C20orf203: variants seen among roughly 807,000 people sequenced by gnomAD.
The protein encoded by C20orf203 is uncharacterized protein C20orf203.
C20orf203 carries 16 observed loss-of-function variants against 15.9 expected under a neutral mutation model. The observed-to-expected ratio is 1.01, with a 90% CI of 0.68 to 1.53. The LOEUF is 1.53. Among genes scored for constraint, C20orf203 ranks in the 40% most tolerant of loss-of-function variants. The probability of loss-of-function intolerance (pLI) is 0.00; values close to 1 mark genes in which losing one functional copy is unlikely to be tolerated. For missense variants in C20orf203, 263 were observed against 247.5 expected, an observed-to-expected ratio of 1.06 and a Z score of -0.42; for synonymous variants, 98 against 97.2, an observed-to-expected ratio of 1.01 and a Z score of -0.05.
Position 32,654,107 on chromosome 20 carries a change from A to T in C20orf203, c.-263-2126T>A, listed in dbSNP as rs1741056886. 2.0e-5 allele frequency among the ~76,000 whole-genome samples: 3 copies of T among 152,060 alleles called. 1 individual carries two copies. Among genetic ancestry groups the T allele is most frequent in the Non-Finnish European group, 4.4e-5 (3 of 68,004 alleles). On this transcript the variant is annotated intron_variant, in intron 1 of 5. Coordinates refer to ENST00000608990, the MANE Select transcript of C20orf203 (RefSeq NM_182584.4). Reference sequence around the variant, plus strand: ...AAAAAAAAAAAAGAGAAAATCCTAAAGAATCCACTAAAAAAAAGTTATAAC... The same window carrying T: ...AAAAAAAAAAAAGAGAAAATCCTAATGAATCCACTAAAAAAAAGTTATAAC...
In C20orf203 at chr20:32,633,780, C is replaced by G; in HGVS notation, c.*1790G>C. 2.7e-6 allele frequency: 1 copy of G among 364,284 alleles called. No individual in the cohort carries two copies. The highest frequency in any genetic ancestry group is 4.9e-6 in the Non-Finnish European group (1 of 204,818). 22.6% of individuals were successfully genotyped at this position (364,284 alleles called of 1,614,324 possible). On this transcript the variant is annotated 3_prime_UTR_variant, in exon 6 of 6. Transcript: ENST00000608990. ...TGACTCCTCCGGCCAGTCGCCCTGA[C>G]AGCCCCCTCACCGCGTTGCACTACC...
At chr20:32,653,628 G>A (rs1189004802) in intron 1 of C20orf203, among the ~76,000 whole-genome samples, 1 of 152,136 alleles carries the variant, frequency 6.6e-6, no homozygotes, top group African/African-American at 2.4e-5. Context: ...GAGAGATTGG[G>A]TGCTTTCCCC....
At chr20:32,653,845 C>T (rs1982696528) in intron 1 of C20orf203, among the ~76,000 whole-genome samples, 1 of 152,124 alleles carries the variant, frequency 6.6e-6, no homozygotes, top group African/African-American at 2.4e-5. Context: ...GTAATCTCAG[C>T]ACTTTGGGAG....
At chr20:32,658,195 G>A (rs1382547877) in intron 1 of C20orf203, among the ~76,000 whole-genome samples, 1 of 152,046 alleles carries the variant, frequency 6.6e-6, no homozygotes, top group Non-Finnish European at 1.5e-5. Context: ...AAATTAGCTG[G>A]CACCTGGCAT....
intron 1 of C20orf203, among the ~76,000 whole-genome samples, chr20:32,664,524 C>T (rs1982972596): frequency 6.6e-6 from 1 of 152,224 alleles, no homozygotes; most frequent in Non-Finnish European, 1.5e-5. Context: ...GCAATCAGGT[C>T]ACCCGTTGGC....
chr20:32,652,634 T>C (rs1982663931), intron 1 of C20orf203, among the ~76,000 whole-genome samples: 1 of 151,906 alleles, frequency 6.6e-6, no homozygotes, highest in Admixed American at 6.6e-5. Flanking sequence ...CCGGATGCTG[T>C]GGTTTTTGGA....
intron 1 of C20orf203, among the ~76,000 whole-genome samples, chr20:32,672,868 C>A (rs1010685725): frequency 2.0e-5 from 3 of 152,180 alleles, no homozygotes; most frequent in African/African-American, 7.2e-5. Flanking sequence ...CAGCAGAGAC[C>A]TTTTCCTACT....
intron 4 of C20orf203, among the ~76,000 whole-genome samples, chr20:32,646,687 C>A (rs1982442929): frequency 6.6e-6 from 1 of 152,192 alleles, no homozygotes; most frequent in Non-Finnish European, 1.5e-5. Context: ...AGGGTGGGAG[C>A]CCTAACTTGT....
intron 1 of C20orf203, among the ~76,000 whole-genome samples, chr20:32,661,627 T>C (rs1285384477): frequency 6.6e-6 from 1 of 152,146 alleles, no homozygotes; most frequent in Non-Finnish European, 1.5e-5. Context: ...GGAATTTGTC[T>C]GGGAGAGCAG....
intron 1 of C20orf203, among the ~76,000 whole-genome samples, chr20:32,666,155 T>TAAAAAAAAAAAAAAAAAAAAAAGG (rs1983017880): frequency 9.7e-6 from 1 of 102,776 alleles, no homozygotes; most frequent in African/African-American, 3.7e-5. Context: ...ATAAATAAAG[T>TAAAAAAAAAAAAAAAAAAAAAAGG]AAAAAAAAAA....
chr20:32,666,823 A>ATATATATATATATATATG (rs1568756061), intron 1 of C20orf203, among the ~76,000 whole-genome samples: 5 of 106,816 alleles, frequency 4.7e-5, no homozygotes, highest in Admixed American at 1.8e-4. Flanking sequence ...ATATATATAT[A>ATATATATATATATATATG]TAGTTTTGTT....
chr20:32,644,133 G>A (rs1200257209), intron 4 of C20orf203, among the ~76,000 whole-genome samples: 6 of 152,174 alleles, frequency 3.9e-5, no homozygotes, highest in East Asian at 1.9e-4. Flanking sequence ...AGAAGGTGGC[G>A]TCTGCGAGGA....
intron 5 of C20orf203, among the ~76,000 whole-genome samples, chr20:32,639,782 C>A (rs78868189): frequency 0.025 from 3,871 of 152,168 alleles, 160 homozygotes; most frequent in African/African-American, 0.087. Context: ...CACTGCCCCC[C>A]TACTTTGAAA....
chr20:32,651,461 C>A (rs1982627026), intron 2 of C20orf203, among the ~76,000 whole-genome samples: 1 of 152,226 alleles, frequency 6.6e-6, no homozygotes, highest in Non-Finnish European at 1.5e-5. Context: ...TGCCCCAAGT[C>A]ACTTCAAAGC....
At chr20:32,651,209 G>A (rs1685608683) in intron 2 of C20orf203, 43 bp from the exon 3 acceptor site, 2 of 499,806 alleles carry the variant, frequency 4.0e-6, no homozygotes, top group Non-Finnish European at 6.9e-6. Context: ...TGGGTGTGTT[G>A]GCTTGCGCCT....
chr20:32,656,564 A>G (rs1982758252), intron 1 of C20orf203: 1 of 152,238 alleles, frequency 6.6e-6, no homozygotes. Flanking sequence ...ATGTATTCAC[A>G]TAAAAACTTA....
At chr20:32,656,292 T>A (rs1484368248) in intron 1 of C20orf203, among the ~76,000 whole-genome samples, 2 of 152,228 alleles carry the variant, frequency 1.3e-5, no homozygotes, top group Non-Finnish European at 2.9e-5. Context: ...CATGAAAAGA[T>A]ACTCAACATC....
intron 5 of C20orf203, among the ~76,000 whole-genome samples, chr20:32,638,862 G>C: frequency 6.8e-6 from 1 of 147,304 alleles, no homozygotes; most frequent in South Asian, 2.3e-4. Flanking sequence ...CCCTCCTCCT[G>C]CGCTCCCGGC....
chr20:32,659,000 C>T (rs756890527), intron 1 of C20orf203, among the ~76,000 whole-genome samples: 2 of 152,064 alleles, frequency 1.3e-5, no homozygotes, highest in South Asian at 2.1e-4. Context: ...CTCAGCCTCC[C>T]GAGTAGCTGG....
Sources: gnomAD v4.1 joint callset for allele counts (sites outside exome capture counted in the v4.1 genomes callset) on GRCh38, gnomAD v4.1.1 for gene constraint, MANE v1.5 for transcripts, NCBI Gene and HGNC (gene_info 2026-07-23, HGNC 2026-07-21) for gene names.